The following GYS2 variants were observed in gnomAD, a reference collection of about 807,000 sequenced individuals.
GYS2 encodes the protein glycogen [starch] synthase, liver.
GYS2 carries 80 observed loss-of-function variants against 85.6 expected under a neutral mutation model. The ratio of observed to expected loss-of-function variants is 0.93; its 90% CI spans 0.78 to 1.13. GYS2 has a LOEUF of 1.13. Among genes scored for constraint, GYS2 ranks in the 50% most tolerant of loss-of-function variants. GYS2 has a pLI of 0.00. For synonymous variants in GYS2, 328 were observed against 300.7 expected, an observed-to-expected ratio of 1.09 and a Z score of -0.94; for missense variants, 881 against 854.9, an observed-to-expected ratio of 1.03 and a Z score of -0.38.
intron 2 of GYS2, among the ~76,000 whole-genome samples, chr12:21,578,267 C>A (rs969417673): frequency 2.6e-5 from 4 of 152,136 alleles, no homozygotes; most frequent in South Asian, 2.1e-4. Flanking sequence ...TCTTTCCTGT[C>A]TATTCCTTAT....
chr12:21,549,576 A>G (rs1390272502), intron 11 of GYS2, among the ~76,000 whole-genome samples: 1 of 152,216 alleles, frequency 6.6e-6, no homozygotes, highest in African/African-American at 2.4e-5. Context: ...ATCGCTTTAG[A>G]GTCCTTCAAT....
intron 10 of GYS2, among the ~76,000 whole-genome samples, chr12:21,558,652 G>A (rs931507005): frequency 1.3e-5 from 2 of 152,178 alleles, no homozygotes; most frequent in African/African-American, 2.4e-5. Flanking sequence ...TAGCAAGGCT[G>A]TCCTCCAGTA....
At chr12:21,552,204 G>T (rs914443687) in intron 11 of GYS2, among the ~76,000 whole-genome samples, 7 of 152,206 alleles carry the variant, frequency 4.6e-5, no homozygotes, top group Non-Finnish European at 7.3e-5. Flanking sequence ...ACAAAGGCTT[G>T]TCTGACTCTT....
Position 21,536,945 on chromosome 12 carries a change from A to G in GYS2, c.*9T>C, listed in dbSNP as rs201090154. 39 of 1,580,564 alleles carry G rather than the reference A, an allele frequency of 2.5e-5. No individual in the cohort carries two copies. The South Asian group carries it at 2.7e-4, about 11-fold the overall frequency. ...TTTAAATTAGCTCTTCATGCAGCAC[A>G]TGTAGAATTCAGTTCTTATATTCAC... is the stretch of plus-strand genomic sequence containing the variant. On this transcript the variant is annotated 3_prime_UTR_variant, in exon 16 of 16. Transcript: ENST00000261195.
At chr12:21,535,649 G>A (rs1244471053), downstream of GYS2, among the ~76,000 whole-genome samples, 1 of 152,132 alleles carries the variant, frequency 6.6e-6, no homozygotes, top group Non-Finnish European at 1.5e-5. Context: ...GTTTTCCAGT[G>A]GTCTTGAACC....
Position 21,560,344 on chromosome 12 carries a change from T to C in GYS2, c.1169+42A>G, listed in dbSNP as rs1211862868. 2.8e-6 allele frequency: 3 copies of C among 1,067,756 alleles called. No homozygotes were observed. The African/African-American group carries it at 4.6e-5, about 17-fold the overall frequency. The allele number at this position is 1,067,756 out of a possible 1,614,324, so 66.1% of individuals were successfully genotyped here. ...TGTCATTCACTTAAAAGAAATCTTT[T>C]CACATTTATTGCTAGAGAACATTCA... On this transcript the variant is annotated intron_variant, in intron 8 of 15. Transcript: ENST00000261195.
At chr12:21,568,366 G>A (rs533248993) in intron 5 of GYS2, among the ~76,000 whole-genome samples, 2 of 152,268 alleles carry the variant, frequency 1.3e-5, no homozygotes, top group African/African-American at 4.8e-5. Flanking sequence ...TGTCTTATGA[G>A]CATGAGTTCT....
intron 1 of GYS2, among the ~76,000 whole-genome samples, chr12:21,595,233 G>C (rs35022834): frequency 0.057 from 8,660 of 152,232 alleles, 442 homozygotes; most frequent in African/African-American, 0.13. Flanking sequence ...AATTTTAGCT[G>C]CAGATAGACT....
chr12:21,594,865 C>T (rs776369478), intron 1 of GYS2, among the ~76,000 whole-genome samples: 2 of 152,058 alleles, frequency 1.3e-5, no homozygotes, highest in Non-Finnish European at 2.9e-5. Flanking sequence ...AGTATAGGAA[C>T]CTAAACAGCA....
intron 5 of GYS2, among the ~76,000 whole-genome samples, chr12:21,568,342 G>A (rs997555711): frequency 1.3e-4 from 20 of 152,152 alleles, no homozygotes; most frequent in African/African-American, 2.7e-4. Context: ...AGCCGTGGCC[G>A]GGTGACAGGG....
chr12:21,562,225 T>C, intron 7 of GYS2, among the ~76,000 whole-genome samples: 1 of 152,156 alleles, frequency 6.6e-6, no homozygotes, highest in East Asian at 1.9e-4. Flanking sequence ...TGCTTTCATG[T>C]GGTGTGACAT....
At chr12:21,548,831 G>T (rs1333873823) in intron 11 of GYS2, among the ~76,000 whole-genome samples, 1 of 151,754 alleles carries the variant, frequency 6.6e-6, no homozygotes, top group East Asian at 1.9e-4. Context: ...TTTTTTTGGT[G>T]GGGGGCACGT....
At chr12:21,557,272 T>C (rs1168254672) in intron 11 of GYS2, among the ~76,000 whole-genome samples, 1 of 152,222 alleles carries the variant, frequency 6.6e-6, no homozygotes, top group Non-Finnish European at 1.5e-5. Flanking sequence ...TTCATCTTTG[T>C]CTTCAATATC....
intron 5 of GYS2, among the ~76,000 whole-genome samples, chr12:21,564,850 G>A (rs75895590): frequency 0.023 from 3,486 of 152,140 alleles, 145 homozygotes; most frequent in African/African-American, 0.079. Flanking sequence ...TAACGAAACT[G>A]GCCTGCAGAA....
chr12:21,568,694 G>A (rs1944351304), intron 5 of GYS2, among the ~76,000 whole-genome samples, 171 bp downstream of exon 5: 1 of 152,170 alleles, frequency 6.6e-6, no homozygotes, highest in Admixed American at 6.5e-5. Flanking sequence ...ATAGCTTTGA[G>A]TTGGCTTCCC....
At chr12:21,582,762 G>T (rs950347696) in intron 1 of GYS2, among the ~76,000 whole-genome samples, 9 of 152,082 alleles carry the variant, frequency 5.9e-5, no homozygotes, top group Non-Finnish European at 7.4e-5. Context: ...TTCTGGAGTT[G>T]GCTGCTTAAT....
intron 4 of GYS2, 56 bp from the exon 5 acceptor site, chr12:21,569,065 C>A: frequency 6.3e-7 from 1 of 1,580,040 alleles, no homozygotes. Flanking sequence ...TCTACACAAG[C>A]TAAACAAAAT....
intron 1 of GYS2, among the ~76,000 whole-genome samples, chr12:21,581,422 A>T (rs1041877894): frequency 6.6e-6 from 1 of 152,206 alleles, no homozygotes; most frequent in Non-Finnish European, 1.5e-5. Flanking sequence ...TGACCAGTGC[A>T]TGCAGCCCCC....
At chr12:21,544,269 T>C (rs796845906) in intron 12 of GYS2, among the ~76,000 whole-genome samples, 109 of 152,342 alleles carry the variant, frequency 7.2e-4, no homozygotes, top group African/African-American at 2.4e-3. Context: ...ACAGCATGAC[T>C]CATTCACTAT....
Sources: allele counts gnomAD v4.1 joint callset (sites outside exome capture counted in the v4.1 genomes callset), GRCh38; gene constraint gnomAD v4.1.1; transcripts MANE v1.5; gene names NCBI Gene and HGNC (gene_info 2026-07-23, HGNC 2026-07-21).